MYH11: variants seen among roughly 807,000 people sequenced by gnomAD.
The protein encoded by MYH11 is myosin heavy chain 11.
In MYH11, 80 loss-of-function variants were observed where a neutral mutation model predicts 246.6. The observed-to-expected ratio is 0.32, with a 90% confidence interval of 0.27 to 0.39. The LOEUF is 0.39. Among genes scored for constraint, MYH11 ranks in the 10% least tolerant of loss-of-function variants. MYH11 has a pLI of 1.00. For synonymous variants in MYH11, 1,071 were observed against 1,015.5 expected (o/e 1.05, Z -1.04); for missense variants, 2,158 against 2,546.8 (o/e 0.85, Z 3.29).
At position 15,759,871 on chromosome 16, in the gene MYH11, T is replaced by C. The variant is rs919012562; in HGVS notation, c.1249-143A>G. The C allele has an allele frequency of 6.7e-6, 7 of 1,040,014 alleles. No individual in the cohort carries two copies. The East Asian group carries it at 1.8e-4, about 27-fold the overall frequency. The allele number at this position is 1,040,014 out of a possible 1,614,324, so 64.4% of individuals were successfully genotyped here. ...CAGCACTTTGGGAGGCCGAGGCAGG[T>C]GGGTCACTTGAGGTCGGGAGTTCAA... On this transcript the variant is annotated intron_variant, in intron 11 of 40. Transcript: ENST00000300036.
At chr16:15,815,334 A>G (rs1290019756) in intron 3 of MYH11, among the ~76,000 whole-genome samples, 1 of 152,228 alleles carries the variant, frequency 6.6e-6, no homozygotes, top group Non-Finnish European at 1.5e-5. Flanking sequence ...GAAACAGGAT[A>G]TTGCAACCAC....
At chr16:15,733,892 C>T (rs896675932) in intron 26 of MYH11, among the ~76,000 whole-genome samples, 2 of 152,180 alleles carry the variant, frequency 1.3e-5, no homozygotes. Flanking sequence ...GGGAGCAGAA[C>T]GCTGTGCTCT....
At chr16:15,759,851 C>T (rs2041826150) in intron 11 of MYH11, 123 bp from the exon 12 acceptor site, 3 of 1,276,912 alleles carry the variant, frequency 2.3e-6, no homozygotes, top group Non-Finnish European at 3.3e-6. Context: ...AATCCCAGCA[C>T]TTTGGGAGGC....
chr16:15,809,119 A>G (rs1484146873), intron 3 of MYH11, among the ~76,000 whole-genome samples: 1 of 152,094 alleles, frequency 6.6e-6, no homozygotes, highest in African/African-American at 2.4e-5. Context: ...CAAGGTCCCC[A>G]GGGCTACACT....
At chr16:15,749,380 C>G (rs1358991170) in intron 16 of MYH11, 1 of 152,342 alleles carries the variant, frequency 6.6e-6, no homozygotes, top group African/African-American at 2.4e-5. Flanking sequence ...AGCCTGGGCC[C>G]TCTGCTTATC....
At chr16:15,740,423 C>T (rs2041240674) in intron 22 of MYH11, among the ~76,000 whole-genome samples, 1 of 151,934 alleles carries the variant, frequency 6.6e-6, no homozygotes, top group Non-Finnish European at 1.5e-5. Flanking sequence ...GCCTGGCCAA[C>T]ATGGTGAAAC....
intron 28 of MYH11, 81 bp from the exon 29 acceptor site, chr16:15,725,073 A>G (rs1677293613): frequency 9.0e-7 from 1 of 1,112,594 alleles, no homozygotes; most frequent in South Asian, 1.3e-5. Flanking sequence ...CTCAAAACAC[A>G]TGGGCTAGTA....
chr16:15,802,687 G>C (rs1180995122), intron 3 of MYH11, among the ~76,000 whole-genome samples: 1 of 152,140 alleles, frequency 6.6e-6, no homozygotes, highest in Admixed American at 6.5e-5. Flanking sequence ...GGGCTCAAGT[G>C]ACCCACCTGC....
At position 15,726,866 on chromosome 16, in the gene MYH11, G is replaced by C. The variant is rs1279730451; in HGVS notation, c.3840C>G (p.Asp1280Glu). The part of the protein sequence containing the change: ...DGERARAELN[D>E]KVHKLQNEVE... ...TCCTCACCTGCAGCTTGTGGACTTT[G>C]TCATTGAGCTCCGCCCGGGCCCGCT... is the stretch of plus-strand genomic sequence containing the variant. The change falls in exon 28 of 41, where the codon GAC becomes GAG. Residue 1280 changes from aspartate (D) to glutamate (E), a missense_variant. Transcript: ENST00000300036. 6.2e-7 allele frequency: 1 copy of C among 1,612,142 alleles called. No homozygotes were observed. Among genetic ancestry groups the C allele is most frequent in the Admixed American group, 1.7e-5 (1 of 60,006 alleles).
At chr16:15,805,421 T>C (rs748720198) in intron 3 of MYH11, among the ~76,000 whole-genome samples, 8 of 152,224 alleles carry the variant, frequency 5.3e-5, no homozygotes, top group Non-Finnish European at 1.2e-4. Context: ...GTACAGATGA[T>C]ATGGAATGAT....
chr16:15,789,415 G>A (rs189200575), intron 4 of MYH11, among the ~76,000 whole-genome samples: 161 of 152,228 alleles, frequency 1.1e-3, no homozygotes, highest in Non-Finnish European at 1.6e-3. Flanking sequence ...TCACCCATCC[G>A]GGGAAACTGA....
At chr16:15,806,063 G>A (rs2043003521) in intron 3 of MYH11, among the ~76,000 whole-genome samples, 1 of 151,466 alleles carries the variant, frequency 6.6e-6, no homozygotes, top group Non-Finnish European at 1.5e-5. Context: ...CAGATCACGA[G>A]GTCAGGAGTT....
At chr16:15,759,272 G>C (rs970337265) in intron 12 of MYH11, among the ~76,000 whole-genome samples, 2 of 151,346 alleles carry the variant, frequency 1.3e-5, no homozygotes, top group African/African-American at 4.9e-5. Flanking sequence ...GCCCCCGTGA[G>C]GGGAGAGCCT....
intron 3 of MYH11, among the ~76,000 whole-genome samples, chr16:15,802,851 T>C (rs762559997): frequency 3.9e-5 from 6 of 152,146 alleles, no homozygotes; most frequent in Non-Finnish European, 8.8e-5. Flanking sequence ...ATGGTGTCCC[T>C]ATTTATAAGA....
intron 38 of MYH11, among the ~76,000 whole-genome samples, chr16:15,716,136 C>A (rs1481491372): frequency 1.3e-5 from 2 of 151,890 alleles, no homozygotes; most frequent in Non-Finnish European, 2.9e-5. Flanking sequence ...GCTATGCTGC[C>A]CAGACTGGTC....
At chr16:15,768,660 G>C (rs1263663309) in intron 9 of MYH11, among the ~76,000 whole-genome samples, 2 of 147,960 alleles carry the variant, frequency 1.4e-5, no homozygotes, top group African/African-American at 2.4e-5. Flanking sequence ...CCTTACATTT[G>C]TTTTAATAGA....
In MYH11 at chr16:15,718,449, G is replaced by A. The variant is rs779166026; in HGVS notation, c.5172-11C>T. The A allele has an allele frequency of 1.4e-5, 22 of 1,550,394 alleles. No homozygotes were observed. The highest frequency in any genetic ancestry group is 2.7e-5 in the African/African-American group (2 of 73,592). The stretch of plus-strand genomic sequence containing the variant: ...TCCTGGAGTGCGTTCCTGGGGGAAG[G>A]GCGGCCATGGTGGGGGCCTCTACCC... On this transcript the variant is annotated splice_polypyrimidine_tract_variant and intron_variant, in intron 36 of 40. Transcript: ENST00000300036.
intron 1 of MYH11, among the ~76,000 whole-genome samples, chr16:15,842,110 G>T (rs901815190): frequency 5.9e-5 from 9 of 152,204 alleles, no homozygotes; most frequent in Non-Finnish European, 1.2e-4. Flanking sequence ...CCTGCTGCTG[G>T]GTGCAGTGGC....
At chr16:15,782,095 G>A (rs1225794994) in intron 6 of MYH11, among the ~76,000 whole-genome samples, 4 of 152,076 alleles carry the variant, frequency 2.6e-5, no homozygotes, top group African/African-American at 9.7e-5. Context: ...TGCCCAGGCT[G>A]GTCTAGAACC....
Sources: allele counts gnomAD v4.1 joint callset (sites outside exome capture counted in the v4.1 genomes callset), GRCh38; gene constraint gnomAD v4.1.1; transcripts MANE v1.5; gene names NCBI Gene and HGNC (gene_info 2026-07-23, HGNC 2026-07-21).